EPHA6: variants seen among roughly 807,000 people sequenced by gnomAD.
EPHA6 encodes EPH receptor A6.
EPHA6 carries 50 observed loss-of-function variants against 112.0 expected under a neutral mutation model. The ratio of observed to expected loss-of-function variants is 0.45; its 90% CI spans 0.36 to 0.56. The LOEUF is 0.56. EPHA6 is among the 20% of genes least tolerant of loss of function. The pLI, the probability that EPHA6 is intolerant of heterozygous loss-of-function variation, is 0.00. For missense variants in EPHA6, 1,280 were observed against 1,417.4 expected, an observed-to-expected ratio of 0.90 and a Z score of 1.56; for synonymous variants, 529 against 490.7, an observed-to-expected ratio of 1.08 and a Z score of -1.03.
intron 11 of EPHA6, among the ~76,000 whole-genome samples, chr3:97,561,482 G>C (rs1016632237): frequency 6.6e-6 from 1 of 152,060 alleles, no homozygotes; most frequent in Middle Eastern, 3.2e-3. Context: ...AAGTCTGATG[G>C]AGAGCAAGGC....
intron 3 of EPHA6, among the ~76,000 whole-genome samples, chr3:96,988,775 A>T (rs766824501): frequency 2.4e-4 from 36 of 152,142 alleles, no homozygotes; most frequent in Non-Finnish European, 4.7e-4. Context: ...TTGTCAGGAA[A>T]TGTTAACATC....
Position 96,868,509 on chromosome 3 carries a change from C to T in EPHA6, c.450+1620C>T, listed in dbSNP as rs567613164. Among the ~76,000 whole-genome samples, 134 of 151,808 alleles carry T rather than the reference C, an allele frequency of 8.8e-4. 1 individual carries two copies. Among genetic ancestry groups the T allele is most frequent in the Non-Finnish European group, 9.4e-4 (64 of 67,812 alleles). ...ATAACATGTAAACCAGCATTTATATCGAAACATTAAAATTGTAATTATATC... is the reference window on the plus strand; with the variant it reads ...ATAACATGTAAACCAGCATTTATATTGAAACATTAAAATTGTAATTATATC... On this transcript the variant is annotated intron_variant, in intron 2 of 17. Transcript: ENST00000389672.
At chr3:97,120,276 A>G (rs2048005214) in intron 3 of EPHA6, among the ~76,000 whole-genome samples, 1 of 151,992 alleles carries the variant, frequency 6.6e-6, no homozygotes, top group African/African-American at 2.4e-5. Flanking sequence ...TATTTTTAAG[A>G]TAAATCATAA....
intron 2 of EPHA6, among the ~76,000 whole-genome samples, chr3:96,927,992 T>G (rs2040125953): frequency 6.6e-6 from 1 of 152,116 alleles, no homozygotes; most frequent in South Asian, 2.1e-4. Flanking sequence ...AAAGCGAGTG[T>G]GTGAAGGAGG....
chr3:97,681,794 G>A (rs909473051), intron 14 of EPHA6, among the ~76,000 whole-genome samples: 3 of 151,990 alleles, frequency 2.0e-5, no homozygotes, highest in Admixed American at 2.0e-4. Context: ...ATATCCTGAA[G>A]CATGATATGC....
chr3:97,319,447 C>T (rs1341272921), intron 5 of EPHA6, among the ~76,000 whole-genome samples: 2 of 151,280 alleles, frequency 1.3e-5, no homozygotes, highest in African/African-American at 4.9e-5. Context: ...GTGGGCGGAG[C>T]ATTTGAGGTC....
Position 97,479,313 on chromosome 3 carries a change from G to A in EPHA6, c.2023G>A (p.Ala675Thr), listed in dbSNP as rs762672025. The A allele has an allele frequency of 2.5e-6, 4 of 1,601,956 alleles. No homozygotes were observed. Among genetic ancestry groups the A allele is most frequent in the Non-Finnish European group, 3.4e-6 (4 of 1,176,018 alleles). Residue 675 changes from alanine (A) to threonine (T), a missense_variant, in exon 9 of 18, where the codon GCC (alanine) becomes ACC (threonine). By Grantham distance (58) the Ala-to-Thr change is moderately conservative. Around this residue, in one of 4 missense-constraint regions of EPHA6, gnomAD observed 878 missense variants for 999.7 expected, o/e 0.88. Coordinates refer to ENST00000389672, the MANE Select transcript of EPHA6 (RefSeq NM_001080448.3). ...TAAAAGATGTCAGTGGTACATAAAA[G>A]CCAAGATGAAGTCAGAAGAGAAGAG... is the stretch of plus-strand genomic sequence containing the variant. ...ITGRCQWYIK[A>T]KMKSEEKRRN...
At chr3:97,106,258 T>C (rs1316027417) in intron 3 of EPHA6, among the ~76,000 whole-genome samples, 2 of 152,082 alleles carry the variant, frequency 1.3e-5, no homozygotes, top group African/African-American at 4.8e-5. Context: ...CTGTCTCAGT[T>C]TATCCAGTGA....
intron 2 of EPHA6, among the ~76,000 whole-genome samples, chr3:96,954,387 C>G (rs2041673764): frequency 6.6e-6 from 1 of 152,188 alleles, no homozygotes; most frequent in Non-Finnish European, 1.5e-5. Context: ...CAGTTCTTAA[C>G]CACTTCCTCT....
intron 11 of EPHA6, among the ~76,000 whole-genome samples, chr3:97,584,363 C>G (rs1391796672): frequency 6.6e-6 from 1 of 152,154 alleles, no homozygotes; most frequent in East Asian, 1.9e-4. Flanking sequence ...TGGCAGCCCA[C>G]AGGCTAAAAT....
At chr3:97,288,924 A>ATTTT (rs374397667) in intron 5 of EPHA6, among the ~76,000 whole-genome samples, 31 of 111,260 alleles carry the variant, frequency 2.8e-4, no homozygotes, top group African/African-American at 7.4e-4. Context: ...TTTAATGGGG[A>ATTTT]TTTTTTTTTT....
intron 9 of EPHA6, among the ~76,000 whole-genome samples, chr3:97,482,631 T>C (rs1347799107): frequency 6.6e-6 from 1 of 152,190 alleles, no homozygotes; most frequent in Admixed American, 6.5e-5. Flanking sequence ...GGAAGCAAAT[T>C]GCTGCTAATA....
At chr3:97,039,370 C>A (rs914461146) in intron 3 of EPHA6, among the ~76,000 whole-genome samples, 2 of 151,960 alleles carry the variant, frequency 1.3e-5, no homozygotes, top group Non-Finnish European at 2.9e-5. Flanking sequence ...AGTGGTTCAT[C>A]GGAATTTCAA....
At chr3:97,321,607 G>C (rs1576952576) in intron 5 of EPHA6, among the ~76,000 whole-genome samples, 1 of 151,988 alleles carries the variant, frequency 6.6e-6, no homozygotes, top group Middle Eastern at 3.4e-3. Flanking sequence ...CAATGGGTCT[G>C]TGACCCAAAT....
intron 2 of EPHA6, among the ~76,000 whole-genome samples, chr3:96,871,029 T>G (rs1301898080): frequency 1.3e-5 from 2 of 152,030 alleles, no homozygotes; most frequent in Admixed American, 6.6e-5. Flanking sequence ...TTTCTGTTGG[T>G]GAATATGGAG....
intron 5 of EPHA6, among the ~76,000 whole-genome samples, chr3:97,354,238 T>A (rs2083953130): frequency 6.6e-6 from 1 of 152,052 alleles, no homozygotes; most frequent in South Asian, 2.1e-4. Flanking sequence ...CAAACATCGA[T>A]GAACATCCAC....
At chr3:97,729,173 G>A (rs940300698) in intron 15 of EPHA6, among the ~76,000 whole-genome samples, 8 of 151,884 alleles carry the variant, frequency 5.3e-5, no homozygotes, top group African/African-American at 1.7e-4. Context: ...TCACTGTAAC[G>A]CCTTTTTTCT....
intron 2 of EPHA6, among the ~76,000 whole-genome samples, chr3:96,950,599 C>A (rs546166297): frequency 3.9e-5 from 6 of 152,042 alleles, no homozygotes; most frequent in Non-Finnish European, 8.8e-5. Context: ...AATAAATCAT[C>A]ATTATTCATG....
chr3:97,673,548 C>A (rs998726534), intron 14 of EPHA6, among the ~76,000 whole-genome samples: 2 of 152,018 alleles, frequency 1.3e-5, no homozygotes, highest in East Asian at 3.9e-4. Flanking sequence ...TGGAAGAGGC[C>A]CAAAAGGGTA....
Sources: allele counts gnomAD v4.1 joint callset (sites outside exome capture counted in the v4.1 genomes callset), GRCh38; gene constraint gnomAD v4.1.1; regional missense constraint gnomAD v4.1.1; transcripts MANE v1.5; gene names NCBI Gene and HGNC (gene_info 2026-07-23, HGNC 2026-07-21).